SYT1: variants seen among roughly 807,000 people sequenced by gnomAD.
SYT1 encodes synaptotagmin 1, also known as synaptotagmin-1.
SYT1 carries 8 observed loss-of-function variants against 44.8 expected under a neutral mutation model. The ratio of observed to expected loss-of-function variants is 0.18; its 90% CI spans 0.10 to 0.32. The LOEUF (loss-of-function observed/expected upper bound fraction) is 0.32, where lower values mean the gene tolerates loss of function less well. Among genes scored for constraint, SYT1 ranks in the 10% least tolerant of loss-of-function variants. The pLI is 1.00. For synonymous variants in SYT1, 154 were observed against 188.8 expected, an observed-to-expected ratio of 0.82 and a Z score of 1.51; for missense variants, 286 against 509.3, an observed-to-expected ratio of 0.56 and a Z score of 4.22.
chr12:79,010,202 T>C (rs1340744767), intron 2 of SYT1, among the ~76,000 whole-genome samples: 1 of 152,144 alleles, frequency 6.6e-6, no homozygotes, highest in Admixed American at 6.6e-5. Context: ...AAAGAGACCA[T>C]GACAAGATGA....
chr12:79,384,366 A>G (rs1261403111), intron 9 of SYT1, among the ~76,000 whole-genome samples: 2 of 152,208 alleles, frequency 1.3e-5, no homozygotes, highest in Non-Finnish European at 2.9e-5. Context: ...TCTTTCATAT[A>G]TATAATTCTG....
intron 8 of SYT1, among the ~76,000 whole-genome samples, chr12:79,344,337 G>GC (rs1317529364): frequency 2.6e-5 from 4 of 152,154 alleles, no homozygotes; most frequent in African/African-American, 9.7e-5. Context: ...CTAGAACAGT[G>GC]CCTGGCACAG....
chr12:79,413,944 T>C (rs943413873), intron 9 of SYT1, among the ~76,000 whole-genome samples: 2 of 152,210 alleles, frequency 1.3e-5, no homozygotes, highest in Admixed American at 6.5e-5. Flanking sequence ...TTTCCATATA[T>C]GTAAGGAAGG....
chr12:79,349,059 AGGG>A (rs1172335821), intron 8 of SYT1, among the ~76,000 whole-genome samples: 113 of 105,184 alleles, frequency 1.1e-3, no homozygotes, highest in African/African-American at 3.1e-3. Context: ...GAAAGAAAGG[AGGG>A]AGGGAGGGAG....
chr12:79,384,437 C>T (rs990607356), intron 9 of SYT1, among the ~76,000 whole-genome samples: 2 of 152,076 alleles, frequency 1.3e-5, no homozygotes, highest in Admixed American at 6.5e-5. Context: ...TAAGTGACAA[C>T]TTACATTACT....
chr12:78,988,015 A>C (rs1869769553), intron 2 of SYT1, among the ~76,000 whole-genome samples: 1 of 152,100 alleles, frequency 6.6e-6, no homozygotes, highest in South Asian at 2.1e-4. Context: ...ATTACAAACC[A>C]TTTATTCATT....
At chr12:79,037,419 ACT>A (rs1483051501) in intron 2 of SYT1, among the ~76,000 whole-genome samples, 1 of 151,498 alleles carries the variant, frequency 6.6e-6, no homozygotes, top group Non-Finnish European at 1.5e-5. Flanking sequence ...GATTATTGTA[ACT>A]CTGGCTGCCA....
At chr12:79,114,541 A>G (rs1332631381) in intron 3 of SYT1, among the ~76,000 whole-genome samples, 1 of 149,684 alleles carries the variant, frequency 6.7e-6, no homozygotes, top group East Asian at 1.9e-4. Context: ...CACCTACATC[A>G]TAACTCCTAC....
intron 4 of SYT1, among the ~76,000 whole-genome samples, chr12:79,274,560 C>T (rs141914032): frequency 0.013 from 1,992 of 152,322 alleles, 17 homozygotes; most frequent in Non-Finnish European, 0.02. Context: ...ACTTGGGCAG[C>T]CGCAGCGCAA....
At chr12:78,924,476 T>G (rs1877187861) in intron 1 of SYT1, among the ~76,000 whole-genome samples, 2 of 151,584 alleles carry the variant, frequency 1.3e-5, no homozygotes, top group Non-Finnish European at 3.0e-5. Context: ...TCTAGTTCCA[T>G]ATTTTCTTTA....
At chr12:79,201,814 G>A (rs982275925) in intron 3 of SYT1, among the ~76,000 whole-genome samples, 1 of 151,972 alleles carries the variant, frequency 6.6e-6, no homozygotes, top group Non-Finnish European at 1.5e-5. Flanking sequence ...TTATAATAGG[G>A]CTTTTGATAA....
chr12:79,398,552 T>G (rs951307283), intron 9 of SYT1, among the ~76,000 whole-genome samples: 5 of 152,188 alleles, frequency 3.3e-5, no homozygotes, highest in African/African-American at 1.2e-4. Flanking sequence ...AATATGGTCC[T>G]TATATGGTCC....
At chr12:79,306,779 G>T (rs188025617) in intron 8 of SYT1, among the ~76,000 whole-genome samples, 1 of 152,306 alleles carries the variant, frequency 6.6e-6, no homozygotes, top group East Asian at 1.9e-4. Flanking sequence ...GATTTCATGT[G>T]TATAAGCTGG....
intron 1 of SYT1, among the ~76,000 whole-genome samples, chr12:78,902,950 A>T (rs542375810): frequency 6.6e-6 from 1 of 152,274 alleles, no homozygotes; most frequent in African/African-American, 2.4e-5. Context: ...AAGGGTCTTA[A>T]TTTCAAGTCT....
intron 3 of SYT1, among the ~76,000 whole-genome samples, chr12:79,101,631 A>C (rs1385062385): frequency 6.6e-6 from 1 of 152,204 alleles, no homozygotes; most frequent in Non-Finnish European, 1.5e-5. Flanking sequence ...AAATTTCCTC[A>C]ATAAATAAGC....
intron 3 of SYT1, among the ~76,000 whole-genome samples, chr12:79,185,140 T>C (rs1280870018): frequency 6.6e-6 from 1 of 152,068 alleles, no homozygotes; most frequent in African/African-American, 2.4e-5. Flanking sequence ...ACCTAAGACA[T>C]TATTTACAGA....
At chr12:79,285,644 A>C (rs1879271793) in intron 4 of SYT1, 143 bp from the exon 5 acceptor site, 1 of 586,148 alleles carries the variant, frequency 1.7e-6, no homozygotes, top group African/African-American at 1.9e-5. Context: ...ACATGGATAA[A>C]GTACTGAGGA....
At chr12:78,927,263 G>C (rs568699196) in intron 1 of SYT1, among the ~76,000 whole-genome samples, 3 of 152,098 alleles carry the variant, frequency 2.0e-5, no homozygotes, top group East Asian at 1.9e-4. Flanking sequence ...GATGCTGGAG[G>C]GGGAAGTGAA....
intron 2 of SYT1, among the ~76,000 whole-genome samples, chr12:79,037,546 G>C (rs1180711027): frequency 6.6e-6 from 1 of 151,580 alleles, no homozygotes; most frequent in Non-Finnish European, 1.5e-5. Context: ...CTAAACATTT[G>C]TTCTGTCATA....
Sources: allele counts gnomAD v4.1 joint callset (sites outside exome capture counted in the v4.1 genomes callset), GRCh38; gene constraint gnomAD v4.1.1; transcripts MANE v1.5; gene names NCBI Gene and HGNC (gene_info 2026-07-23, HGNC 2026-07-21).